Variants in ABTB1 observed in about 807,000 individuals in gnomAD.
The protein encoded by ABTB1 is ankyrin repeat and BTB domain containing 1, also known as ankyrin repeat and BTB/POZ domain-containing protein 1.
ABTB1 carries 45 observed loss-of-function variants against 57.1 expected under a neutral mutation model. The observed-to-expected ratio is 0.79, with a 90% CI of 0.62 to 1.01. The LOEUF (loss-of-function observed/expected upper bound fraction) is 1.01, where lower values mean the gene tolerates loss of function less well. ABTB1 is among the 50% of genes least tolerant of loss of function. The probability of loss-of-function intolerance (pLI) is 0.00; values close to 1 mark genes in which losing one functional copy is unlikely to be tolerated. For missense variants in ABTB1, 630 were observed against 666.3 expected (o/e 0.95, Z 0.60); for synonymous variants, 302 against 275.4 (o/e 1.10, Z -0.95).
Position 127,680,689 on chromosome 3 carries a change from C to T in ABTB1, c.*214C>T. On this transcript the variant is annotated 3_prime_UTR_variant, in exon 12 of 12. Transcript: ENST00000232744. ...CCCCTCCCCCCAATGCACAAGCCAG[C>T]CCCCAAGACCCTGGGGGTGGACACC... is the stretch of plus-strand genomic sequence containing the variant. 7.0e-6 allele frequency: 5 copies of T among 719,094 alleles called. No homozygotes were observed. The highest frequency in any genetic ancestry group is 6.3e-5 in the South Asian group (4 of 63,768). The allele number at this position is 719,094 out of a possible 1,614,324, so 44.5% of individuals were successfully genotyped here.
At chr3:127,673,957 C>G (rs972223509) in intron 1 of ABTB1, among the ~76,000 whole-genome samples, 1 of 152,236 alleles carries the variant, frequency 6.6e-6, no homozygotes, top group African/African-American at 2.4e-5. Context: ...CGACTCCTGC[C>G]TCCTAGAATT....
chr3:127,675,164 T>A (rs1385481308), intron 3 of ABTB1, among the ~76,000 whole-genome samples: 2 of 151,864 alleles, frequency 1.3e-5, no homozygotes, highest in Non-Finnish European at 2.9e-5. Flanking sequence ...CATGGCCCAC[T>A]CCCCCTTCAT....
intron 3 of ABTB1, 67 bp downstream of exon 3, chr3:127,674,667 A>ATGCG: frequency 3.2e-6 from 5 of 1,583,304 alleles, no homozygotes; most frequent in African/African-American, 1.3e-5. Flanking sequence ...GGGTGCATGC[A>ATGCG]TGCGTGCGTG....
At chr3:127,673,209 G>T (rs1026999145) in intron 1 of ABTB1, 128 bp downstream of exon 1, 1 of 1,056,742 alleles carries the variant, frequency 9.5e-7, no homozygotes, top group Non-Finnish European at 1.2e-6. Flanking sequence ...CCCTCGGAGC[G>T]CCCCCGCGGG....
rs368950072 is a variant in ABTB1, at chr3:127,674,494, G to A, written c.119+41G>A. ...AGGGGTGGGGAGGGTGGGGGTTGGT[G>A]CACCCCTTCAGCACTGAGGACTGCC... On this transcript the variant is annotated intron_variant, in intron 2 of 11. Coordinates refer to ENST00000232744, the MANE Select transcript of ABTB1 (RefSeq NM_172027.3). 5.1e-5 allele frequency: 83 copies of A among 1,613,032 alleles called. No individual in the cohort carries two copies. The African/African-American group carries it at 8.7e-4, about 17-fold the overall frequency.
In ABTB1 at chr3:127,674,529, TC is replaced by T; in HGVS notation, c.120-14del. On this transcript the variant is annotated splice_polypyrimidine_tract_variant and intron_variant, in intron 2 of 11. Coordinates refer to ENST00000232744, the MANE Select transcript of ABTB1 (RefSeq NM_172027.3). ...AGCACTGAGGACTGCCTCCTGTACT[TC>T]CTTCCTCCCTTCAGGTACTATGCCT... 1 of 1,614,020 alleles carries T rather than the reference TC, an allele frequency of 6.2e-7. No homozygotes were observed. The highest frequency in any genetic ancestry group is 1.7e-5 in the Admixed American group (1 of 60,024).
intron 10 of ABTB1, chr3:127,679,253 T>G: frequency 3.3e-6 from 1 of 305,884 alleles, no homozygotes; most frequent in Non-Finnish European, 6.5e-6. Flanking sequence ...AACATGGGGA[T>G]AGCTCTCGTC....
chr3:127,677,037 C>A lies in ABTB1; in HGVS notation c.597C>A (p.Asp199Glu). The A allele has an allele frequency of 6.2e-7, 1 of 1,614,118 alleles. No individual in the cohort carries two copies. The highest frequency in any genetic ancestry group is 1.7e-5 in the Admixed American group (1 of 60,018). ...TGGCCAAGCAATGCCAGCTGTGGGA[C>A]CTGCTCAGCGACCTGGAGGCCAAGT... Reference protein sequence around the residue: ...ERLAKQCQLWDLLSDLEAKCE... With the variant: ...ERLAKQCQLWELLSDLEAKCE... The change falls in exon 7 of 12, where the codon GAC becomes GAA. Residue 199 changes from aspartate to glutamate, a missense_variant. Physicochemically the swap from Asp to Glu is conservative, Grantham distance 45. This residue lies in a region of ABTB1 where 579 missense variants were observed against 585.9 expected (regional missense o/e 0.99). Transcript: ENST00000232744.
Position 127,673,065 on chromosome 3 carries a change from G to A in ABTB1, c.40G>A (p.Asp14Asn). 1.3e-6 allele frequency: 2 copies of A among 1,574,858 alleles called. No homozygotes were observed. Among genetic ancestry groups the A allele is most frequent in the Non-Finnish European group, 8.6e-7 (1 of 1,160,604 alleles). ...CCTGTTCGCCAGCTGCAGGAAGGGG[G>A]ATGTGGGCCGAGTGCGGTGAGGACC... is the stretch of plus-strand genomic sequence containing the variant. ...SDLFASCRKG[D>N]VGRVRYLLEQ... is the part of the protein sequence containing the mutation. Residue 14 changes from aspartate to asparagine, a missense_variant, in exon 1 of 12, where the codon GAT (aspartate) becomes AAT (asparagine). Transcript: ENST00000232744.
chr3:127,673,903 C>G (rs1354985303), intron 1 of ABTB1, among the ~76,000 whole-genome samples: 2 of 152,230 alleles, frequency 1.3e-5, no homozygotes, highest in Non-Finnish European at 2.9e-5. Flanking sequence ...GCATTGGCGA[C>G]TCCCCTCGCT....
intron 3 of ABTB1, among the ~76,000 whole-genome samples, chr3:127,675,138 G>A (rs762597481): frequency 7.9e-5 from 12 of 152,016 alleles, no homozygotes; most frequent in Admixed American, 2.0e-4. Context: ...ATGGACTGCC[G>A]TTCTGCAAAC....
Position 127,680,071 on chromosome 3 carries a change from G to C in ABTB1, c.1116G>C (p.Leu372=). Residue 372 remains leucine (L), a synonymous_variant, in exon 11 of 12, where the codon CTG becomes CTC. Coordinates refer to ENST00000232744, the MANE Select transcript of ABTB1 (RefSeq NM_172027.3). ...PGLKRLCGRS[L]AQMLDEDTVV... is the part of the protein sequence containing the mutation. ...TGAAGAGGCTGTGCGGCCGCAGCCTGGCTCAGATGCTAGACGAGGACACTG... is the reference window on the plus strand; with the variant it reads ...TGAAGAGGCTGTGCGGCCGCAGCCTCGCTCAGATGCTAGACGAGGACACTG... 1.2e-6 allele frequency: 2 copies of C among 1,613,860 alleles called. No individual in the cohort carries two copies. Among genetic ancestry groups the C allele is most frequent in the Non-Finnish European group, 1.7e-6 (2 of 1,180,026 alleles).
Position 127,674,556 on chromosome 3 carries a change from G to A in ABTB1, c.131G>A (p.Cys44Tyr). 1.9e-6 allele frequency: 3 copies of A among 1,614,196 alleles called. No individual in the cohort carries two copies. The highest frequency in any genetic ancestry group is 2.2e-5 in the East Asian group (1 of 44,878). Reference protein sequence around the residue: ...KWDSTPLYYACLCGHEELVLY... With the variant: ...KWDSTPLYYAYLCGHEELVLY... ...CTTCCTCCCTTCAGGTACTATGCCT[G>A]CTTGTGTGGGCACGAGGAGCTGGTA... The change falls in exon 3 of 12, where the codon TGC (cysteine) becomes TAC (tyrosine). Residue 44 changes from cysteine (C) to tyrosine (Y), a missense_variant. By Grantham distance (194) the Cys-to-Tyr change is radical. Coordinates refer to ENST00000232744, the MANE Select transcript of ABTB1 (RefSeq NM_172027.3).
chr3:127,674,838 C>T (rs562221394), intron 3 of ABTB1, among the ~76,000 whole-genome samples: 6 of 152,344 alleles, frequency 3.9e-5, no homozygotes, highest in East Asian at 1.9e-4. Flanking sequence ...CATTTCTCCC[C>T]GGACACGGTG....
At position 127,680,377 on chromosome 3, in the gene ABTB1, G is replaced by C. The variant is rs367772067; in HGVS notation, c.1339G>C (p.Val447Leu). 3.1e-6 allele frequency: 5 copies of C among 1,608,426 alleles called. No individual in the cohort carries two copies. In the East Asian group the frequency reaches 1.1e-4, roughly 36 times the overall value. ...GCTGGTGGACGACATCCGCTTCCACGTGGCCAGCACGGTGCAGACCTACAG... is the reference window on the plus strand; with the variant it reads ...GCTGGTGGACGACATCCGCTTCCACCTGGCCAGCACGGTGCAGACCTACAG... ...IPLVDDIRFHVASTVQTYSAI... is the reference protein window; with the variant it reads ...IPLVDDIRFHLASTVQTYSAI... The change falls in exon 12 of 12, where the codon GTG becomes CTG. Residue 447 changes from valine to leucine, a missense_variant. Physicochemically the swap from Val to Leu is conservative, Grantham distance 32. This residue lies in a region of ABTB1 where 43 missense variants were observed against 56.1 expected (regional missense o/e 0.77). Coordinates refer to ENST00000232744, the MANE Select transcript of ABTB1 (RefSeq NM_172027.3).
At chr3:127,679,881 T>G (rs2075085009) in intron 10 of ABTB1, 104 bp from the exon 11 acceptor site, 6 of 1,119,026 alleles carry the variant, frequency 5.4e-6, no homozygotes, top group Non-Finnish European at 7.7e-6. Flanking sequence ...CTGGAAGCCT[T>G]CCCGCCAGTG....
Position 127,676,487 on chromosome 3 carries a change from T to C in ABTB1, c.481-49T>C. ...GAACTGTCCAGGAACAGCAGGAGGT[T>C]GTGCTGGGTGGCTGCCTCTGACATT... On this transcript the variant is annotated intron_variant, in intron 5 of 11. Transcript: ENST00000232744. The surrounding 1 kb of genome is among the most constrained non-coding windows in gnomAD (Gnocchi z 5.4). 1 of 1,614,096 alleles carries C rather than the reference T, an allele frequency of 6.2e-7. No individual in the cohort carries two copies. Among genetic ancestry groups the C allele is most frequent in the Non-Finnish European group, 8.5e-7 (1 of 1,179,970 alleles).
rs751489377 is a variant in ABTB1 at position 127,672,986 on chromosome 3, C to A, written c.-40C>A. On this transcript the variant is annotated 5_prime_UTR_variant, in exon 1 of 12. Coordinates refer to ENST00000232744, the MANE Select transcript of ABTB1 (RefSeq NM_172027.3). ...TACATCCGCCGGGTGCGCGGCTTCGCCGCCCGAGGTCGTTCGGCTCGGGTA... is the reference window on the plus strand; with the variant it reads ...TACATCCGCCGGGTGCGCGGCTTCGACGCCCGAGGTCGTTCGGCTCGGGTA... 190 of 1,527,486 alleles carry A rather than the reference C, an allele frequency of 1.2e-4. No homozygotes were observed. The highest frequency in any genetic ancestry group is 1.6e-4 in the Non-Finnish European group (177 of 1,134,744). 94.6% of individuals were successfully genotyped at this position (1,527,486 alleles called of 1,614,324 possible).
chr3:127,673,237 C>A, intron 1 of ABTB1, 156 bp downstream of exon 1: 2 of 681,384 alleles, frequency 2.9e-6, no homozygotes, highest in South Asian at 8.6e-5. Context: ...ACCCGGACCC[C>A]CGCCGCAGCC....
Sources: gnomAD v4.1 joint callset for allele counts (sites outside exome capture counted in the v4.1 genomes callset) on GRCh38, gnomAD v4.1.1 for gene constraint, gnomAD v4.1.1 regional missense constraint, Gnocchi (gnomAD v3.1) non-coding constraint, MANE v1.5 for transcripts, NCBI Gene and HGNC (gene_info 2026-07-23, HGNC 2026-07-21) for gene names.